DNAJC5B: variants seen among roughly 807,000 people sequenced by gnomAD.
DNAJC5B encodes the protein DnaJ heat shock protein family (Hsp40) member C5 beta, also known as dnaJ homolog subfamily C member 5B.
A neutral mutation model predicts 24.7 loss-of-function variants in DNAJC5B; 23 were observed. The ratio of observed to expected loss-of-function variants is 0.93; its 90% CI spans 0.67 to 1.32. The LOEUF (loss-of-function observed/expected upper bound fraction) is 1.32. DNAJC5B is among the 40% of genes most tolerant of loss of function. The pLI is 0.00. For synonymous variants in DNAJC5B, 101 were observed against 90.1 expected, an observed-to-expected ratio of 1.12 and a Z score of -0.68; for missense variants, 238 against 240.8, an observed-to-expected ratio of 0.99 and a Z score of 0.08.
rs1407536253 is a variant in DNAJC5B at position 66,051,600 on chromosome 8, A to G, written c.53A>G (p.Glu18Gly). ...QRQRTLSTTGEALYEILGLHK... is the reference protein window; with the variant it reads ...QRQRTLSTTGGALYEILGLHK... ...CAGCGGACTCTGTCAACAACAGGAG[A>G]AGCTCTATACGAAATTCTTGGTCTG... Residue 18 changes from glutamate (E) to glycine (G), a missense_variant, in exon 3 of 6, where the codon GAA becomes GGA. By Grantham distance (98) the Glu-to-Gly change is moderately conservative (BLOSUM62 -2). Transcript: ENST00000276570. 1.2e-6 allele frequency: 2 copies of G among 1,614,150 alleles called. No homozygotes were observed. The highest frequency in any genetic ancestry group is 8.5e-7 in the Non-Finnish European group (1 of 1,180,014).
At chr8:66,080,263 G>A (rs1044132936) in intron 4 of DNAJC5B, 114 bp from the exon 5 acceptor site, 5 of 1,434,010 alleles carry the variant, frequency 3.5e-6, no homozygotes, top group Non-Finnish European at 4.7e-6. Flanking sequence ...CCTGTGGGGT[G>A]AACTGTGAAG....
intron 5 of DNAJC5B, 134 bp downstream of exon 5, chr8:66,080,682 G>C (rs531830481): frequency 1.8e-5 from 13 of 730,616 alleles, no homozygotes; most frequent in Middle Eastern, 3.8e-4. Flanking sequence ...CAGACTGTCA[G>C]CTTTGGTACA....
At chr8:66,016,804 T>C (rs1805966009), upstream of DNAJC5B, among the ~76,000 whole-genome samples, 2 of 152,134 alleles carry the variant, frequency 1.3e-5, no homozygotes, top group South Asian at 2.1e-4. Flanking sequence ...ATTTCTATCA[T>C]GGGTGGAGAA....
intron 5 of DNAJC5B, among the ~76,000 whole-genome samples, chr8:66,081,262 G>A (rs1448595545): frequency 2.0e-5 from 3 of 152,084 alleles, no homozygotes; most frequent in African/African-American, 4.8e-5. Flanking sequence ...AATACTTTAC[G>A]TCCTCTGGGA....
intron 5 of DNAJC5B, among the ~76,000 whole-genome samples, chr8:66,081,951 C>A (rs1461876389): frequency 6.6e-6 from 1 of 151,982 alleles, no homozygotes; most frequent in Non-Finnish European, 1.5e-5. Context: ...ACCAAGAAGA[C>A]CAAGCAAGCA....
At position 66,100,109 on chromosome 8, in the gene DNAJC5B, G is replaced by A. The variant is rs1380883904; in HGVS notation, c.*78G>A. On this transcript the variant is annotated 3_prime_UTR_variant, in exon 6 of 6. Transcript: ENST00000276570. ...CAGATGGTCGTAGGGGAGCGTGTGGGGCATAAAGTGCTGTGAACTTTTCCA... is the reference window on the plus strand; with the variant it reads ...CAGATGGTCGTAGGGGAGCGTGTGGAGCATAAAGTGCTGTGAACTTTTCCA... The A allele has an allele frequency of 4.1e-6, 5 of 1,222,008 alleles. No individual in the cohort carries two copies. The East Asian group carries it at 7.4e-5, about 18-fold the overall frequency. The allele number at this position is 1,222,008 out of a possible 1,614,324, so 75.7% of individuals were successfully genotyped here. A position where few individuals can be genotyped will look rare whatever the true frequency, so the allele number is the denominator to read the frequency against.
intron 4 of DNAJC5B, 77 bp from the exon 5 acceptor site, chr8:66,080,300 T>A (rs1471239414): frequency 3.2e-6 from 5 of 1,555,750 alleles, no homozygotes; most frequent in Non-Finnish European, 4.3e-6. Flanking sequence ...GGTACCTGGG[T>A]ACAGACTTGA....
intron 5 of DNAJC5B, among the ~76,000 whole-genome samples, chr8:66,095,097 A>G (rs1427468092): frequency 2.6e-5 from 4 of 152,084 alleles, no homozygotes; most frequent in Admixed American, 6.6e-5. Context: ...ATTTTGTATC[A>G]AGATTATGCC....
intron 1 of DNAJC5B, among the ~76,000 whole-genome samples, chr8:66,034,176 T>TGTGTGTGTGTGTG (rs1806426725): frequency 6.9e-6 from 1 of 144,190 alleles, no homozygotes; most frequent in Non-Finnish European, 1.5e-5. Flanking sequence ...TGTTGTTGTT[T>TGTGTGTGTGTGTG]TGTGTGTGTG....
intron 1 of DNAJC5B, among the ~76,000 whole-genome samples, chr8:66,042,649 T>C (rs1046967921): frequency 2.2e-4 from 33 of 148,426 alleles, no homozygotes; most frequent in African/African-American, 1.0e-4. Flanking sequence ...TTCTCCTCCT[T>C]CTTCTTCTTC....
At position 66,037,444 on chromosome 8, in the gene DNAJC5B, G is replaced by A. The variant is rs1027849188; in HGVS notation, c.-141-6044G>A. 3.3e-5 allele frequency among the ~76,000 whole-genome samples: 5 copies of A among 152,116 alleles called. No individual in the cohort carries two copies. In the East Asian group the frequency reaches 9.6e-4, roughly 29 times the overall value. The stretch of plus-strand genomic sequence containing the variant: ...GAGACCTGGGAGGAGAGACCACGTG[G>A]GAGAGGTGCCTTGCCAGAGGTGGGC... On this transcript the variant is annotated intron_variant, in intron 1 of 5. Coordinates refer to ENST00000276570, the MANE Select transcript of DNAJC5B (RefSeq NM_033105.6).
intron 1 of DNAJC5B, among the ~76,000 whole-genome samples, chr8:66,035,611 A>G (rs1806465673): frequency 6.6e-6 from 1 of 152,238 alleles, no homozygotes; most frequent in Non-Finnish European, 1.5e-5. Context: ...AGAGAAAGAC[A>G]TGGAACCAAC....
At chr8:66,018,753 A>ATATG (rs35692542), upstream of DNAJC5B, among the ~76,000 whole-genome samples, 1 of 151,586 alleles carries the variant, frequency 6.6e-6, no homozygotes, top group Non-Finnish European at 1.5e-5. Context: ...ATATATATAT[A>ATATG]AAGTAGGTGA....
At chr8:66,018,394 C>T (rs372919789), upstream of DNAJC5B, among the ~76,000 whole-genome samples, 1 of 150,630 alleles carries the variant, frequency 6.6e-6, no homozygotes, top group Non-Finnish European at 1.5e-5. Context: ...GGGGGGGGTG[C>T]CTGTAAGCCC....
chr8:66,079,063 T>C (rs1036397262), intron 4 of DNAJC5B, among the ~76,000 whole-genome samples: 1 of 152,218 alleles, frequency 6.6e-6, no homozygotes, highest in Admixed American at 6.5e-5. Flanking sequence ...TTTTGCTCAA[T>C]TCACAAAAAC....
intron 2 of DNAJC5B, among the ~76,000 whole-genome samples, chr8:66,049,989 G>A (rs1806811673): frequency 6.6e-6 from 1 of 152,168 alleles, no homozygotes; most frequent in South Asian, 2.1e-4. Flanking sequence ...GTTGCATATA[G>A]AGAAAAATCG....
At chr8:66,067,866 C>A (rs994171376) in intron 3 of DNAJC5B, among the ~76,000 whole-genome samples, 1 of 152,166 alleles carries the variant, frequency 6.6e-6, no homozygotes, top group Non-Finnish European at 1.5e-5. Context: ...AAGTTCTGCT[C>A]AATGACAACA....
intron 1 of DNAJC5B, among the ~76,000 whole-genome samples, chr8:66,037,033 C>T (rs950177311): frequency 6.6e-6 from 1 of 152,180 alleles, no homozygotes; most frequent in African/African-American, 2.4e-5. Context: ...GCTTCCTGGG[C>T]TCATCCTTTT....
chr8:66,070,963 A>G (rs971632833), intron 3 of DNAJC5B, among the ~76,000 whole-genome samples: 1 of 152,224 alleles, frequency 6.6e-6, no homozygotes, highest in African/African-American at 2.4e-5. Flanking sequence ...AGGATTCCCT[A>G]TTTAATAAAT....
Sources: allele counts gnomAD v4.1 joint callset (sites outside exome capture counted in the v4.1 genomes callset), GRCh38; gene constraint gnomAD v4.1.1; transcripts MANE v1.5; gene names NCBI Gene and HGNC (gene_info 2026-07-23, HGNC 2026-07-21).